PLXNA4: variants seen among roughly 807,000 people sequenced by gnomAD.
PLXNA4 encodes plexin-A4.
PLXNA4 carries 44 observed loss-of-function variants against 191.8 expected under a neutral mutation model. The ratio of observed to expected loss-of-function variants is 0.23; its 90% confidence interval spans 0.18 to 0.29. The LOEUF is 0.29. Ranked by LOEUF, PLXNA4 falls within the 10% of genes least tolerant of loss-of-function variation. The pLI is 1.00. For missense variants in PLXNA4, 1,800 were observed against 2,488.8 expected (o/e 0.72, Z 5.89); for synonymous variants, 1,082 against 1,009.5 (o/e 1.07, Z -1.36).
rs561395680 is a variant in PLXNA4 at position 132,388,566 on chromosome 7, T to TTTCTG, written c.1372-90349_1372-90345dup. ...AAAAAAGGTCTCCTTATTAATGTCT[T>TTTCTG]TTCTGTGTCCTGACCATGTATTTTT... On this transcript the variant is annotated intron_variant, in intron 3 of 31. Transcript: ENST00000321063. 3.5e-4 allele frequency among the ~76,000 whole-genome samples: 53 copies of TTTCTG among 152,342 alleles called. 1 individual carries two copies. The highest frequency in any genetic ancestry group is 2.9e-4 in the Non-Finnish European group (20 of 68,022).
intron 3 of PLXNA4, among the ~76,000 whole-genome samples, chr7:132,363,988 G>A (rs1052909668): frequency 2.0e-5 from 3 of 152,244 alleles, no homozygotes; most frequent in Admixed American, 6.5e-5. Context: ...CAGGGTGGAG[G>A]AGCAATAGCT....
chr7:132,621,950 A>G (rs1003161836), intron 2 of PLXNA4, among the ~76,000 whole-genome samples: 1 of 152,068 alleles, frequency 6.6e-6, no homozygotes, highest in Non-Finnish European at 1.5e-5. Context: ...TCTCCCCATA[A>G]ATAGGAGACT....
intron 4 of PLXNA4, chr7:132,264,268 CT>C (rs1799762773): frequency 6.6e-6 from 1 of 152,214 alleles, no homozygotes; most frequent in South Asian, 2.1e-4. Flanking sequence ...ACCCTCTCCC[CT>C]GGAGTTTGCT....
intron 26 of PLXNA4, 101 bp from the exon 27 acceptor site, chr7:132,148,100 C>T (rs922835669): frequency 7.7e-6 from 12 of 1,565,768 alleles, no homozygotes; most frequent in Non-Finnish European, 1.0e-5. Context: ...GAAATTGGTG[C>T]CTTGCTGGAG....
chr7:132,264,835 T>C (rs188803659), intron 4 of PLXNA4, among the ~76,000 whole-genome samples: 2 of 152,168 alleles, frequency 1.3e-5, no homozygotes, highest in East Asian at 1.9e-4. Flanking sequence ...GTAGCTGGGA[T>C]TACAGGCGCC....
chr7:132,427,111 T>C (rs1043203087), intron 3 of PLXNA4, among the ~76,000 whole-genome samples: 6 of 152,310 alleles, frequency 3.9e-5, no homozygotes, highest in African/African-American at 1.2e-4. Context: ...TTGAGCAACC[T>C]AGCAGGGCAA....
intron 21 of PLXNA4, among the ~76,000 whole-genome samples, chr7:132,173,061 C>G (rs982821023): frequency 1.3e-5 from 2 of 152,176 alleles, no homozygotes; most frequent in African/African-American, 2.4e-5. Context: ...GAAGTTAGAA[C>G]TACAAAGATA....
intron 3 of PLXNA4, among the ~76,000 whole-genome samples, chr7:132,470,130 A>C (rs540013918): frequency 6.6e-6 from 1 of 152,342 alleles, no homozygotes; most frequent in African/African-American, 2.4e-5. Context: ...AAGGGGAAGA[A>C]ACTCTGTATA....
chr7:132,569,164 G>A (rs548725214), intron 1 of PLXNA4, among the ~76,000 whole-genome samples: 1 of 152,356 alleles, frequency 6.6e-6, no homozygotes, highest in African/African-American at 2.4e-5. Flanking sequence ...CACCACCACA[G>A]ACTATTCTGA....
intron 15 of PLXNA4, among the ~76,000 whole-genome samples, chr7:132,186,491 T>G (rs1258182512): frequency 6.6e-6 from 1 of 152,114 alleles, no homozygotes; most frequent in African/African-American, 2.4e-5. Flanking sequence ...ATGGAGCCCA[T>G]CCAGGGAAGG....
chr7:132,424,600 T>G (rs1358645579), intron 3 of PLXNA4, among the ~76,000 whole-genome samples: 2 of 152,092 alleles, frequency 1.3e-5, no homozygotes, highest in East Asian at 3.9e-4. Context: ...CCCTCCCCCA[T>G]GTGAGGACAC....
rs183469753 is a variant in PLXNA4 at position 132,621,046 on chromosome 7, C to T, written c.-87+24882G>A. ...ATTTCATTCATGAGGGCTCCACTCT[C>T]ATGAGTAAATCACATCCCAAAGGCC... On this transcript the variant is annotated intron_variant, in intron 2 of 4. Coordinates refer to the PLXNA4 transcript ENST00000378539. Among the ~76,000 whole-genome samples, 41 of 152,202 alleles carry T rather than the reference C, an allele frequency of 2.7e-4. No homozygotes were observed. The East Asian group carries it at 7.7e-3, about 29-fold the overall frequency.
upstream of PLXNA4, chr7:132,576,622 A>C (rs1431036282): frequency 1.0e-6 from 1 of 985,104 alleles, no homozygotes; most frequent in Admixed American, 6.1e-5. The surrounding 1 kb of genome is among the most constrained non-coding windows in gnomAD (Gnocchi z 5.8). Context: ...GAGGGCGCCG[A>C]ATCAGAGCCT....
chr7:132,596,120 C>T (rs1051199295), intron 2 of PLXNA4, among the ~76,000 whole-genome samples: 1 of 152,110 alleles, frequency 6.6e-6, no homozygotes, highest in African/African-American at 2.4e-5. Context: ...GTACAGTCCT[C>T]CAACTTTTTT....
chr7:132,458,034 G>A (rs1286289738), intron 3 of PLXNA4, among the ~76,000 whole-genome samples: 1 of 152,162 alleles, frequency 6.6e-6, no homozygotes, highest in Non-Finnish European at 1.5e-5. Flanking sequence ...GGGGTAATTT[G>A]TTACAGCAGC....
intron 1 of PLXNA4, among the ~76,000 whole-genome samples, chr7:132,569,487 T>G (rs570819363): frequency 6.6e-6 from 1 of 152,264 alleles, no homozygotes; most frequent in Non-Finnish European, 1.5e-5. Context: ...GCATCTGTTC[T>G]GTGCACTGGA....
Position 132,514,908 on chromosome 7 carries a change from C to T in PLXNA4, c.-86-6129G>A, listed in dbSNP as rs115380408. ...AAAATTTGAAACACACTTTCAGAGA[C>T]GGTGCATACCTGTTGTTTTTGCTGT... On this transcript the variant is annotated intron_variant, in intron 1 of 31. Coordinates refer to ENST00000321063, the MANE Select transcript of PLXNA4 (RefSeq NM_020911.2). Among the ~76,000 whole-genome samples the T allele has an allele frequency of 6.7e-3, 1,015 of 152,222 alleles. 12 individuals are homozygous for T. The highest frequency in any genetic ancestry group is 0.023 in the African/African-American group (962 of 41,528).
At chr7:132,475,462 C>T (rs935012860) in intron 3 of PLXNA4, among the ~76,000 whole-genome samples, 2 of 152,116 alleles carry the variant, frequency 1.3e-5, no homozygotes, top group South Asian at 2.1e-4. Context: ...GCTTCCTGCC[C>T]GGTATCTACC....
intron 16 of PLXNA4, among the ~76,000 whole-genome samples, chr7:132,184,466 A>G (rs1337867547): frequency 6.6e-6 from 1 of 152,002 alleles, no homozygotes; most frequent in Non-Finnish European, 1.5e-5. Flanking sequence ...TCTCATTCCC[A>G]TGTGCTAGCC....
Sources: gnomAD v4.1 joint callset for allele counts (sites outside exome capture counted in the v4.1 genomes callset) on GRCh38, gnomAD v4.1.1 for gene constraint, Gnocchi (gnomAD v3.1) non-coding constraint, MANE v1.5 for transcripts, NCBI Gene and HGNC (gene_info 2026-07-23, HGNC 2026-07-21) for gene names.